ADAMTSL1: variants seen among roughly 807,000 people sequenced by gnomAD.
The protein encoded by ADAMTSL1 is ADAMTS-like protein 1.
ADAMTSL1 carries 126 observed loss-of-function variants against 201.8 expected under a neutral mutation model. The ratio of observed to expected loss-of-function variants is 0.62; its 90% CI spans 0.54 to 0.72. ADAMTSL1 has a LOEUF of 0.72. Ranked by LOEUF, ADAMTSL1 falls within the 30% of genes least tolerant of loss-of-function variation. The pLI, the probability that ADAMTSL1 is intolerant of heterozygous loss-of-function variation, is 0.00. For missense variants in ADAMTSL1, 2,679 were observed against 2,277.8 expected (o/e 1.18, Z -3.59); for synonymous variants, 1,121 against 903.4 (o/e 1.24, Z -4.32).
At chr9:17,980,430 G>A (rs1004867054) in intron 1 of ADAMTSL1, among the ~76,000 whole-genome samples, 4 of 150,442 alleles carry the variant, frequency 2.7e-5, no homozygotes, top group Non-Finnish European at 5.9e-5. Context: ...TTTCTCTTCT[G>A]TTACCAAACA....
At chr9:18,043,066 G>A (rs1821498247) in intron 1 of ADAMTSL1, among the ~76,000 whole-genome samples, 1 of 152,156 alleles carries the variant, frequency 6.6e-6, no homozygotes, top group South Asian at 2.1e-4. Context: ...TTACACGCTA[G>A]AAAACTAAGA....
At chr9:18,523,149 G>T (rs1056027417) in intron 2 of ADAMTSL1, among the ~76,000 whole-genome samples, 59 of 152,110 alleles carry the variant, frequency 3.9e-4, no homozygotes, top group Non-Finnish European at 1.3e-4. Flanking sequence ...GGTGTGAGAT[G>T]GTATCTCATT....
At chr9:18,885,582 G>A (rs1163537928) in intron 23 of ADAMTSL1, among the ~76,000 whole-genome samples, 1 of 152,224 alleles carries the variant, frequency 6.6e-6, no homozygotes, top group Non-Finnish European at 1.5e-5. Context: ...GCACTGTCAA[G>A]TGGCATGGGC....
chr9:18,864,283 G>T lies in ADAMTSL1; in HGVS notation c.4250-23548G>T, dbSNP rs74873834. 1.1e-3 allele frequency among the ~76,000 whole-genome samples: 171 copies of T among 152,276 alleles called. 1 individual carries two copies. Among genetic ancestry groups the T allele is most frequent in the African/African-American group, 3.9e-3 (163 of 41,550 alleles). On this transcript the variant is annotated intron_variant, in intron 23 of 28. Transcript: ENST00000380548. ...TTTTTCTGAGCTGTTTGGCTGGAGAGGGGGAAGAGGAGAAAAAACGTGCAC... is the reference window on the plus strand; with the variant it reads ...TTTTTCTGAGCTGTTTGGCTGGAGATGGGGAAGAGGAGAAAAAACGTGCAC...
At position 18,868,171 on chromosome 9, in the gene ADAMTSL1, G is replaced by C. The variant is rs568660407; in HGVS notation, c.4250-19660G>C. ...ATATGTCATTTCTAGAAGTCCAATTGATTTTTTATTACTTCCACTTTCTTC... is the reference window on the plus strand; with the variant it reads ...ATATGTCATTTCTAGAAGTCCAATTCATTTTTTATTACTTCCACTTTCTTC... On this transcript the variant is annotated intron_variant, in intron 23 of 28. Transcript: ENST00000380548. Among the ~76,000 whole-genome samples, 44 of 152,146 alleles carry C rather than the reference G, an allele frequency of 2.9e-4. 1 individual carries two copies. In the South Asian group the frequency reaches 9.2e-3, roughly 32 times the overall value.
At chr9:18,834,611 T>A (rs78767150) in intron 23 of ADAMTSL1, among the ~76,000 whole-genome samples, 5,870 of 152,234 alleles carry the variant, frequency 0.039, 154 homozygotes, top group South Asian at 0.099. Context: ...TATCCCTTTG[T>A]AATTGTTCCC....
intron 7 of ADAMTSL1, among the ~76,000 whole-genome samples, chr9:18,648,437 T>C (rs906464922): frequency 2.6e-5 from 4 of 152,172 alleles, no homozygotes; most frequent in African/African-American, 9.7e-5. Context: ...ATTATGATGT[T>C]AGCTGGTAAT....
intron 1 of ADAMTSL1, among the ~76,000 whole-genome samples, chr9:18,055,834 C>T (rs1364360521): frequency 1.3e-5 from 2 of 152,228 alleles, no homozygotes; most frequent in Non-Finnish European, 2.9e-5. Context: ...TATTCGTTTG[C>T]CATGCTGTCA....
chr9:18,234,253 C>T (rs1003299130), intron 2 of ADAMTSL1, among the ~76,000 whole-genome samples: 2 of 152,092 alleles, frequency 1.3e-5, no homozygotes, highest in African/African-American at 4.8e-5. Context: ...AACGTGTTGG[C>T]AGAGAACGAG....
At chr9:18,474,370 T>A (rs1821347269) in intron 1 of ADAMTSL1, 75 bp downstream of exon 1, 1 of 1,375,854 alleles carries the variant, frequency 7.3e-7, no homozygotes, top group Non-Finnish European at 1.0e-6. Context: ...TGTGTGTATG[T>A]GTGTTTGTGT....
At chr9:18,392,652 A>G (rs1341080262) in intron 2 of ADAMTSL1, among the ~76,000 whole-genome samples, 1 of 152,230 alleles carries the variant, frequency 6.6e-6, no homozygotes, top group Non-Finnish European at 1.5e-5. Context: ...ACACAACATA[A>G]CCTCAAAAAC....
rs10673652 is a variant in ADAMTSL1, at chr9:18,503,421, G to GTATATATATATATATATATATATATA, written c.64-1388_64-1387insTATATATATATATATATATATATATA. On this transcript the variant is annotated intron_variant, in intron 1 of 28. Transcript: ENST00000380548. ...TTAAGGCTGAATAGTATTCCATTGT[G>GTATATATATATATATATATATATATA]TATATATATATATATATATACCACA... Among the ~76,000 whole-genome samples the GTATATATATATATATATATATATATA allele has an allele frequency of 1.7e-3, 200 of 115,138 alleles. 3 individuals carry two copies. The highest frequency in any genetic ancestry group is 4.4e-3 in the African/African-American group (144 of 32,502). The allele number at this position is 115,138 out of a possible 152,430, so 75.5% of individuals were successfully genotyped here. A position where few individuals can be genotyped will look rare whatever the true frequency, so the allele number is the denominator to read the frequency against.
chr9:18,629,285 G>A (rs10963680), intron 5 of ADAMTSL1, among the ~76,000 whole-genome samples: 35,925 of 151,874 alleles, frequency 0.24, 4,952 homozygotes, highest in East Asian at 0.62. Flanking sequence ...ATACAATAGT[G>A]AATAGGAATG....
chr9:18,352,511 C>T (rs923272626), intron 2 of ADAMTSL1, among the ~76,000 whole-genome samples: 1 of 152,210 alleles, frequency 6.6e-6, no homozygotes. Context: ...TGCATGTCTT[C>T]TCTCTGGACA....
chr9:18,903,505 T>TTTTA (rs1439547147), intron 26 of ADAMTSL1, among the ~76,000 whole-genome samples: 1 of 152,226 alleles, frequency 6.6e-6, no homozygotes, highest in African/African-American at 2.4e-5. Context: ...GCTGACAGCA[T>TTTTA]TTTATTTCTT....
rs1564094080 is a variant in ADAMTSL1, at chr9:18,620,015, A to ATTATT, written c.475-2226_475-2225insATTTT. On this transcript the variant is annotated intron_variant, in intron 4 of 28. Transcript: ENST00000380548. Reference sequence around the variant, plus strand: ...AGGCAATTAGGTTATCAGTTTTCTGATTTTTTTTTTTTTTTTTTTTTTTGG... The same window carrying ATTATT: ...AGGCAATTAGGTTATCAGTTTTCTGATTATTTTTTTTTTTTTTTTTTTTTTTTTGG... 7.9e-5 allele frequency among the ~76,000 whole-genome samples: 8 copies of ATTATT among 101,260 alleles called. 1 individual carries two copies. Among genetic ancestry groups the ATTATT allele is most frequent in the Non-Finnish European group, 1.2e-4 (6 of 51,536 alleles). The allele number at this position is 101,260 out of a possible 152,430, so 66.4% of individuals were successfully genotyped here.
intron 23 of ADAMTSL1, among the ~76,000 whole-genome samples, chr9:18,870,583 T>C (rs539918744): frequency 6.6e-6 from 1 of 152,148 alleles, no homozygotes; most frequent in South Asian, 2.1e-4. Flanking sequence ...ACTTACATGC[T>C]GTCTTAACAG....
chr9:18,529,343 A>G (rs970985546), intron 2 of ADAMTSL1, among the ~76,000 whole-genome samples: 6 of 152,180 alleles, frequency 3.9e-5, no homozygotes, highest in Non-Finnish European at 7.3e-5. Flanking sequence ...TTCCCTTCTC[A>G]GCTTTCCGAA....
intron 14 of ADAMTSL1, among the ~76,000 whole-genome samples, chr9:18,715,362 C>G (rs1236722288): frequency 6.6e-6 from 1 of 152,128 alleles, no homozygotes; most frequent in Non-Finnish European, 1.5e-5. Flanking sequence ...CCAAAATCTC[C>G]TTAAGCTGAT....
Sources: allele counts gnomAD v4.1 joint callset (sites outside exome capture counted in the v4.1 genomes callset), GRCh38; gene constraint gnomAD v4.1.1; transcripts MANE v1.5; gene names NCBI Gene and HGNC (gene_info 2026-07-23, HGNC 2026-07-21).